BCL2L1: variants seen among roughly 807,000 people sequenced by gnomAD.
BCL2L1 encodes BCL2 like 1.
BCL2L1 carries 1 observed loss-of-function variant against 18.7 expected under a neutral mutation model. The ratio of observed to expected loss-of-function variants is 0.05; its 90% confidence interval spans 0.02 to 0.25. The LOEUF (loss-of-function observed/expected upper bound fraction) is 0.25, where lower values mean the gene tolerates loss of function less well. Ranked by LOEUF, BCL2L1 falls within the 10% of genes least tolerant of loss-of-function variation. The pLI is 1.00. For missense variants in BCL2L1, 207 were observed against 304.9 expected (o/e 0.68, Z 2.39); for synonymous variants, 103 against 122.7 (o/e 0.84, Z 1.06).
rs909231864 is a variant in BCL2L1 at position 31,722,280 on chromosome 20, C to T, written c.-62G>A. 3 of 1,235,748 alleles carry T rather than the reference C, an allele frequency of 2.4e-6. No individual in the cohort carries two copies. Among genetic ancestry groups the T allele is most frequent in the African/African-American group, 3.0e-5 (2 of 66,560 alleles). The allele number at this position is 1,235,748 out of a possible 1,614,324, so 76.5% of individuals were successfully genotyped here. A position where few individuals can be genotyped will look rare whatever the true frequency, so the allele number is the denominator to read the frequency against. ...CAAAACACCTGCTCACTCACTGAGT[C>T]TCGTCTCTGGTTAGTGATTCTCTTC... On this transcript the variant is annotated 5_prime_UTR_variant, in exon 2 of 3. Transcript: ENST00000307677.
chr20:31,701,229 A>T (rs752649127), intron 2 of BCL2L1, among the ~76,000 whole-genome samples: 14 of 151,854 alleles, frequency 9.2e-5, no homozygotes, highest in Admixed American at 7.2e-4. Context: ...AATTTTTTGT[A>T]TTTTAGCAGA....
At chr20:31,674,874 CAAA>C (rs11372425) in intron 2 of BCL2L1, among the ~76,000 whole-genome samples, 4 of 74,712 alleles carry the variant, frequency 5.4e-5, no homozygotes, top group African/African-American at 4.2e-5. Flanking sequence ...GACCCCGTCT[CAAA>C]AAAAAAAAAA....
chr20:31,720,198 G>T, intron 2 of BCL2L1: 2 of 971,892 alleles, frequency 2.1e-6, no homozygotes, highest in East Asian at 1.1e-4. Flanking sequence ...CAGACGAGTT[G>T]AAATTGCAAA....
At chr20:31,691,152 C>CAAAAAAAAAAAAAAAAAAA (rs539012918) in intron 2 of BCL2L1, among the ~76,000 whole-genome samples, 1 of 24,838 alleles carries the variant, frequency 4.0e-5, no homozygotes, top group Non-Finnish European at 7.6e-5. Flanking sequence ...GACTCTGTCT[C>CAAAAAAAAAAAAAAAAAAA]AAAAAAAAAA....
chr20:31,720,708 A>G (rs1287231425), intron 2 of BCL2L1: 1 of 983,458 alleles, frequency 1.0e-6, no homozygotes, highest in Non-Finnish European at 1.2e-6. Context: ...ACTAAGCCTC[A>G]AGAAAGTAAC....
intron 2 of BCL2L1, among the ~76,000 whole-genome samples, chr20:31,703,829 G>T (rs1308704657): frequency 8.4e-5 from 10 of 119,402 alleles, no homozygotes; most frequent in African/African-American, 2.6e-4. Flanking sequence ...GACGAGTATT[G>T]CTCTGTCACC....
intron 2 of BCL2L1, among the ~76,000 whole-genome samples, chr20:31,701,604 A>C (rs1331918038): frequency 6.6e-6 from 1 of 152,214 alleles, no homozygotes; most frequent in Non-Finnish European, 1.5e-5. Context: ...GGTTCCAATA[A>C]AAAATAAGAT....
In BCL2L1 at chr20:31,721,910, C is replaced by T. The variant is rs751797236; in HGVS notation, c.309G>A (p.Arg103=). The part of the protein sequence containing the change: ...AGDEFELRYR[R]AFSDLTSQLH... ...GCTGGGATGTCAGGTCACTGAATGCCCGCCGGTACCGCAGTTCAAACTCGT... is the reference window on the plus strand; with the variant it reads ...GCTGGGATGTCAGGTCACTGAATGCTCGCCGGTACCGCAGTTCAAACTCGT... Residue 103 remains arginine (R), a synonymous_variant, in exon 2 of 3, where the codon CGG becomes CGA. Transcript: ENST00000307677. 1 of 1,614,194 alleles carries T rather than the reference C, an allele frequency of 6.2e-7. No homozygotes were observed. The highest frequency in any genetic ancestry group is 1.7e-5 in the Admixed American group (1 of 60,022).
intron 2 of BCL2L1, among the ~76,000 whole-genome samples, chr20:31,701,910 G>A (rs1347570982): frequency 6.6e-6 from 1 of 152,180 alleles, no homozygotes; most frequent in East Asian, 1.9e-4. Flanking sequence ...TGCAGACACT[G>A]GAGATACAAT....
At chr20:31,720,784 T>A (rs1440999489) in intron 2 of BCL2L1, 4 of 985,278 alleles carry the variant, frequency 4.1e-6, no homozygotes, top group Non-Finnish European at 4.8e-6. Context: ...GCATGTGAAG[T>A]CTGTTACTAA....
At chr20:31,702,565 G>A (rs2061294648) in intron 2 of BCL2L1, among the ~76,000 whole-genome samples, 1 of 151,982 alleles carries the variant, frequency 6.6e-6, no homozygotes, top group Admixed American at 6.5e-5. Flanking sequence ...CCAGGGTGGA[G>A]TGCAATGGTG....
intron 2 of BCL2L1, among the ~76,000 whole-genome samples, chr20:31,678,913 C>A (rs920072691): frequency 1.3e-5 from 2 of 152,178 alleles, no homozygotes; most frequent in African/African-American, 4.8e-5. Context: ...CCCCACTGTA[C>A]AGATGAATGC....
intron 2 of BCL2L1, among the ~76,000 whole-genome samples, chr20:31,703,821 C>CA (rs2061326652): frequency 8.1e-6 from 1 of 123,612 alleles, no homozygotes; most frequent in Non-Finnish European, 1.7e-5. Flanking sequence ...TTTTTTGAGA[C>CA]GAGTATTGCT....
chr20:31,667,576 T>A (rs2060607352), intron 2 of BCL2L1, among the ~76,000 whole-genome samples: 1 of 151,040 alleles, frequency 6.6e-6, no homozygotes, highest in African/African-American at 2.5e-5. Context: ...ACACTGGGCC[T>A]ACATTTCCAA....
chr20:31,715,064 G>A (rs1413228021), intron 2 of BCL2L1, among the ~76,000 whole-genome samples: 1 of 152,040 alleles, frequency 6.6e-6, no homozygotes, highest in Non-Finnish European at 1.5e-5. Context: ...CACGAGGTCA[G>A]GAGATCGAGA....
At chr20:31,679,499 C>T (rs934549652) in intron 2 of BCL2L1, among the ~76,000 whole-genome samples, 1 of 152,202 alleles carries the variant, frequency 6.6e-6, no homozygotes, top group Non-Finnish European at 1.5e-5. Flanking sequence ...CTGTGACTAC[C>T]TGGTTGCAGG....
At chr20:31,701,156 C>A (rs975538458) in intron 2 of BCL2L1, among the ~76,000 whole-genome samples, 1 of 152,022 alleles carries the variant, frequency 6.6e-6, no homozygotes, top group African/African-American at 2.4e-5. Flanking sequence ...TGGGTTCAAG[C>A]GATTCTCCTG....
In BCL2L1 at chr20:31,664,798, G is replaced by A. The variant is rs1336482604; in HGVS notation, c.*1151C>T. The A allele has an allele frequency of 9.0e-6, 2 of 223,124 alleles. No individual in the cohort carries two copies. The highest frequency in any genetic ancestry group is 9.0e-6 in the Non-Finnish European group (1 of 111,316). 13.8% of individuals were successfully genotyped at this position (223,124 alleles called of 1,614,324 possible). Reference sequence around the variant, plus strand: ...AGCCCGGGGTGGCTGGGACCCCTGGGGATGAGACAGGCCAAGGGTGGAGCA... The same window carrying A: ...AGCCCGGGGTGGCTGGGACCCCTGGAGATGAGACAGGCCAAGGGTGGAGCA... On this transcript the variant is annotated 3_prime_UTR_variant, in exon 3 of 3. Transcript: ENST00000307677.
intron 2 of BCL2L1, chr20:31,720,657 T>C: frequency 5.1e-6 from 5 of 982,152 alleles, no homozygotes; most frequent in South Asian, 4.7e-5. Context: ...TACAATACAC[T>C]GTAAGGCAAG....
Sources: allele counts gnomAD v4.1 joint callset (sites outside exome capture counted in the v4.1 genomes callset), GRCh38; gene constraint gnomAD v4.1.1; transcripts MANE v1.5; gene names NCBI Gene and HGNC (gene_info 2026-07-23, HGNC 2026-07-21).